The following LHFPL6 variants were observed in gnomAD, a reference collection of about 807,000 sequenced individuals.
The protein encoded by LHFPL6 is LHFPL tetraspan subfamily member 6 protein.
LHFPL6 carries 9 observed loss-of-function variants against 20.6 expected under a neutral mutation model. The observed-to-expected ratio is 0.44, with a 90% CI of 0.26 to 0.76. The LOEUF (loss-of-function observed/expected upper bound fraction) is 0.76, where lower values mean the gene tolerates loss of function less well. Ranked by LOEUF, LHFPL6 falls within the 30% of genes least tolerant of loss-of-function variation. LHFPL6 has a pLI of 0.20. For synonymous variants in LHFPL6, 105 were observed against 98.7 expected (o/e 1.06, Z -0.38); for missense variants, 218 against 253.5 (o/e 0.86, Z 0.95).
chr13:39,501,771 C>T (rs530496366), intron 2 of LHFPL6, among the ~76,000 whole-genome samples: 8 of 152,278 alleles, frequency 5.3e-5, no homozygotes, highest in African/African-American at 1.9e-4. Flanking sequence ...TCTAAAGAGA[C>T]ATCAACCATG....
intron 2 of LHFPL6, among the ~76,000 whole-genome samples, chr13:39,493,994 A>G (rs1334019732): frequency 1.3e-5 from 2 of 152,234 alleles, no homozygotes; most frequent in Non-Finnish European, 2.9e-5. Context: ...CCTAGCTTTA[A>G]ACCTCAGACC....
At chr13:39,345,147 C>T (rs1261723914) in intron 3 of LHFPL6, among the ~76,000 whole-genome samples, 1 of 152,184 alleles carries the variant, frequency 6.6e-6, no homozygotes, top group African/African-American at 2.4e-5. Context: ...TCTTGCTTTG[C>T]ATTACATTAG....
intron 2 of LHFPL6, among the ~76,000 whole-genome samples, chr13:39,523,077 T>C (rs573590508): frequency 9.6e-4 from 147 of 152,368 alleles, no homozygotes; most frequent in African/African-American, 3.4e-3. Flanking sequence ...CCTAATTGTA[T>C]GACCTTAGAC....
chr13:39,459,640 T>C lies in LHFPL6; in HGVS notation c.386-81114A>G, dbSNP rs186327562. On this transcript the variant is annotated intron_variant, in intron 2 of 3. Coordinates refer to ENST00000379589, the MANE Select transcript of LHFPL6 (RefSeq NM_005780.3). ...TTTAAACCTTTGGGATATGACATTT[T>C]TCTTGGTTATACACTCTTATTTATC... 1.6e-3 allele frequency among the ~76,000 whole-genome samples: 241 copies of C among 152,334 alleles called. 1 individual carries two copies. The highest frequency in any genetic ancestry group is 3.4e-3 in the Middle Eastern group (1 of 294).
chr13:39,533,502 C>G (rs918727171), intron 2 of LHFPL6, among the ~76,000 whole-genome samples: 2 of 152,182 alleles, frequency 1.3e-5, no homozygotes, highest in Non-Finnish European at 2.9e-5. Context: ...ACCCAAACCT[C>G]ATTGACCAGA....
chr13:39,575,656 T>C (rs1872090849), intron 2 of LHFPL6, among the ~76,000 whole-genome samples: 1 of 152,112 alleles, frequency 6.6e-6, no homozygotes, highest in African/African-American at 2.4e-5. Context: ...AGCAAAGAAC[T>C]GGGGTAGCAA....
chr13:39,519,821 A>G (rs1870049500), intron 2 of LHFPL6, among the ~76,000 whole-genome samples: 1 of 152,026 alleles, frequency 6.6e-6, no homozygotes, highest in African/African-American at 2.4e-5. Flanking sequence ...TAGATGAAAC[A>G]CTCTGGGTAT....
At chr13:39,574,477 C>T (rs1323989218) in intron 2 of LHFPL6, among the ~76,000 whole-genome samples, 1 of 142,912 alleles carries the variant, frequency 7.0e-6, no homozygotes. Context: ...ATCAAGACTC[C>T]GTCTCAAAAA....
At chr13:39,431,832 C>T (rs1251891060) in intron 2 of LHFPL6, among the ~76,000 whole-genome samples, 6 of 151,916 alleles carry the variant, frequency 3.9e-5, no homozygotes, top group Admixed American at 3.3e-4. Flanking sequence ...CAGCCCAAGT[C>T]ACCCTTATCT....
At chr13:39,416,362 G>GT (rs1181850957) in intron 2 of LHFPL6, among the ~76,000 whole-genome samples, 5 of 100,772 alleles carry the variant, frequency 5.0e-5, no homozygotes, top group African/African-American at 7.0e-5. Context: ...ACCTTAATAT[G>GT]TTAAAAAAAA....
At chr13:39,457,488 A>G (rs1049603969) in intron 2 of LHFPL6, among the ~76,000 whole-genome samples, 3 of 152,232 alleles carry the variant, frequency 2.0e-5, no homozygotes, top group Non-Finnish European at 4.4e-5. Context: ...CAAGTGCTGG[A>G]AAGGATGTGG....
At chr13:39,421,000 A>G (rs140991454) in intron 2 of LHFPL6, among the ~76,000 whole-genome samples, 1 of 152,310 alleles carries the variant, frequency 6.6e-6, no homozygotes, top group Non-Finnish European at 1.5e-5. Flanking sequence ...TTGGTAACAG[A>G]ATTGAAAAGG....
intron 2 of LHFPL6, among the ~76,000 whole-genome samples, chr13:39,495,249 T>G (rs1869060051): frequency 6.6e-6 from 1 of 152,248 alleles, no homozygotes; most frequent in African/African-American, 2.4e-5. Flanking sequence ...CTCAAATTAA[T>G]GAATCTATTC....
At chr13:39,368,095 G>A (rs909349146) in intron 3 of LHFPL6, among the ~76,000 whole-genome samples, 7 of 152,192 alleles carry the variant, frequency 4.6e-5, no homozygotes, top group African/African-American at 1.7e-4. Flanking sequence ...GGAGGCCAAG[G>A]CGGGTGGGTC....
chr13:39,441,122 C>T (rs1284628370), intron 2 of LHFPL6, among the ~76,000 whole-genome samples: 2 of 149,836 alleles, frequency 1.3e-5, no homozygotes, highest in Non-Finnish European at 3.0e-5. Flanking sequence ...CAGGCATGTG[C>T]CACCATGCCA....
At chr13:39,488,967 C>T (rs9566442) in intron 2 of LHFPL6, among the ~76,000 whole-genome samples, 33,006 of 151,950 alleles carry the variant, frequency 0.22, 5,584 homozygotes, top group East Asian at 0.72. Context: ...AATAGAAAAC[C>T]GTCTGCTTTA....
intron 2 of LHFPL6, among the ~76,000 whole-genome samples, chr13:39,423,796 T>C (rs959894027): frequency 1.1e-4 from 17 of 152,282 alleles, no homozygotes; most frequent in Admixed American, 2.6e-4. Flanking sequence ...CTCACATAAG[T>C]CATGTGGAGT....
chr13:39,382,880 T>C (rs974052635), intron 2 of LHFPL6, among the ~76,000 whole-genome samples: 1 of 152,172 alleles, frequency 6.6e-6, no homozygotes, highest in Non-Finnish European at 1.5e-5. Flanking sequence ...TTTTGTCACC[T>C]GCTAGTATTT....
At chr13:39,509,733 G>A (rs1341293496) in intron 2 of LHFPL6, among the ~76,000 whole-genome samples, 1 of 152,122 alleles carries the variant, frequency 6.6e-6, no homozygotes, top group Non-Finnish European at 1.5e-5. Context: ...GCTGAGGAGG[G>A]AGGATCCCTT....
Sources: allele counts gnomAD v4.1 joint callset (sites outside exome capture counted in the v4.1 genomes callset), GRCh38; gene constraint gnomAD v4.1.1; transcripts MANE v1.5; gene names NCBI Gene and HGNC (gene_info 2026-07-23, HGNC 2026-07-21).